HVCN1: variants seen among roughly 807,000 people sequenced by gnomAD.
HVCN1 encodes hydrogen voltage gated channel 1.
In HVCN1, 14 loss-of-function variants were observed where a neutral mutation model predicts 29.2. The observed-to-expected ratio is 0.48, with a 90% CI of 0.32 to 0.75. HVCN1 has a LOEUF of 0.75. Among genes scored for constraint, HVCN1 ranks in the 30% least tolerant of loss-of-function variants. HVCN1 has a pLI of 0.04. For synonymous variants in HVCN1, 131 were observed against 133.2 expected, an observed-to-expected ratio of 0.98 and a Z score of 0.11; for missense variants, 263 against 341.8, an observed-to-expected ratio of 0.77 and a Z score of 1.82.
At chr12:110,702,399 T>G (rs2069572647) in exon 2 of HVCN1, 1 of 152,154 alleles carries the variant, frequency 6.6e-6, no homozygotes, top group South Asian at 2.1e-4. Context: ...CCAGTCTACT[T>G]TCAAATGCCG....
intron 2 of HVCN1, 70 bp from the exon 3 acceptor site, chr12:110,683,334 A>G (rs1410239338): frequency 1.2e-5 from 18 of 1,499,496 alleles, no homozygotes; most frequent in Non-Finnish European, 1.5e-5. Context: ...GTGCTCTGTA[A>G]TCCTTTCTTA....
intron 2 of HVCN1, among the ~76,000 whole-genome samples, chr12:110,699,867 T>C (rs996634781): frequency 1.3e-5 from 2 of 152,212 alleles, no homozygotes; most frequent in Non-Finnish European, 2.9e-5. Flanking sequence ...CTATTTCTCA[T>C]GCCACAGGCT....
intron 3 of HVCN1, among the ~76,000 whole-genome samples, chr12:110,673,651 G>T (rs936344317): frequency 6.6e-6 from 1 of 152,236 alleles, no homozygotes; most frequent in South Asian, 2.1e-4. Context: ...GTGTCCAGCT[G>T]CTCCAGCTGT....
intron 3 of HVCN1, among the ~76,000 whole-genome samples, chr12:110,677,571 T>C (rs1444325524): frequency 1.3e-5 from 2 of 152,116 alleles, no homozygotes; most frequent in Admixed American, 6.5e-5. Flanking sequence ...GAAGGTGGAA[T>C]GAAACCCCTG....
chr12:110,679,761 G>A (rs1038500905), intron 3 of HVCN1, among the ~76,000 whole-genome samples: 3 of 152,090 alleles, frequency 2.0e-5, no homozygotes, highest in African/African-American at 7.2e-5. Flanking sequence ...GCTGAGGCAG[G>A]AGAATGGCGT....
chr12:110,688,074 G>C (rs1185436953), intron 2 of HVCN1: 1 of 152,416 alleles, frequency 6.6e-6, no homozygotes, highest in Non-Finnish European at 1.5e-5. Context: ...AGGTGCCCAG[G>C]ACAGAGAAGT....
At chr12:110,656,191 G>C (rs1182118881) in intron 4 of HVCN1, among the ~76,000 whole-genome samples, 1 of 152,246 alleles carries the variant, frequency 6.6e-6, no homozygotes, top group Non-Finnish European at 1.5e-5. Flanking sequence ...CTTCTGCCTG[G>C]AGATGCGAGG....
intron 1 of HVCN1, among the ~76,000 whole-genome samples, chr12:110,703,512 GT>G (rs2069581746): frequency 6.6e-6 from 1 of 152,174 alleles, no homozygotes; most frequent in Non-Finnish European, 1.5e-5. Flanking sequence ...TATTGGGCGA[GT>G]GCCGTGGAGA....
chr12:110,648,821 A>G lies in HVCN1; in HGVS notation c.*589T>C, dbSNP rs531608448. On this transcript the variant is annotated 3_prime_UTR_variant, in exon 8 of 8. Transcript: ENST00000242607. ...GTTTATTTTATACAGTAGTTGTTTT[A>G]TTTTATACAGTAGTTGTACAGTAAT... 3.0e-6 allele frequency: 1 copy of G among 337,020 alleles called. No individual in the cohort carries two copies. Among genetic ancestry groups the G allele is most frequent in the African/African-American group, 2.2e-5 (1 of 45,086 alleles). The allele number at this position is 337,020 out of a possible 1,614,324, so 20.9% of individuals were successfully genotyped here.
chr12:110,704,529 G>A (rs983488102), intron 1 of HVCN1, among the ~76,000 whole-genome samples: 3 of 151,904 alleles, frequency 2.0e-5, no homozygotes, highest in South Asian at 2.1e-4. Flanking sequence ...GTGGTAGTGC[G>A]TGCCTGTGGT....
At chr12:110,677,643 G>A (rs2068791641) in intron 3 of HVCN1, among the ~76,000 whole-genome samples, 1 of 152,180 alleles carries the variant, frequency 6.6e-6, no homozygotes, top group Non-Finnish European at 1.5e-5. Context: ...GCTGCCCCCA[G>A]CACTTCTCCC....
chr12:110,690,609 C>G (rs2069383784), upstream of HVCN1, among the ~76,000 whole-genome samples: 1 of 151,958 alleles, frequency 6.6e-6, no homozygotes, highest in African/African-American at 2.4e-5. Context: ...TCCCGAGTAG[C>G]TATGATTACA....
chr12:110,666,440 A>C (rs2068359585), intron 3 of HVCN1, among the ~76,000 whole-genome samples: 1 of 152,108 alleles, frequency 6.6e-6, no homozygotes, highest in Admixed American at 6.6e-5. Flanking sequence ...AAGAAAAGAA[A>C]AGAAAAGAAA....
chr12:110,664,041 C>T (rs2068266060), intron 3 of HVCN1, among the ~76,000 whole-genome samples: 1 of 152,102 alleles, frequency 6.6e-6, no homozygotes, highest in African/African-American at 2.4e-5. Context: ...CCTCAACCTC[C>T]CGGGTAGTTT....
rs2068837943 is a variant in HVCN1, at chr12:110,678,634, T to C, written c.21+4591A>G. On this transcript the variant is annotated intron_variant, in intron 3 of 7. Transcript: ENST00000242607. The stretch of plus-strand genomic sequence containing the variant: ...CCTGGCTAATTTTTTGTATTTTTAA[T>C]AGAGATGGGGTTTCTCCATGTTACT... 5.3e-5 allele frequency among the ~76,000 whole-genome samples: 8 copies of C among 152,042 alleles called. No homozygotes were observed. The South Asian group carries it at 1.7e-3, about 32-fold the overall frequency.
At chr12:110,680,602 C>T (rs1279688883) in intron 3 of HVCN1, among the ~76,000 whole-genome samples, 3 of 152,214 alleles carry the variant, frequency 2.0e-5, no homozygotes, top group African/African-American at 7.2e-5. Context: ...TCCCACCTGT[C>T]TTTATCTTTT....
chr12:110,666,916 C>A (rs1459655037), intron 3 of HVCN1, among the ~76,000 whole-genome samples: 2 of 152,148 alleles, frequency 1.3e-5, no homozygotes, highest in Non-Finnish European at 2.9e-5. Context: ...TTTTATCCCT[C>A]CTAGCATTTA....
In HVCN1 at chr12:110,661,258, G is replaced by C. The variant is rs549678316; in HGVS notation, c.212C>G (p.Ala71Gly). The C allele has an allele frequency of 8.7e-6, 14 of 1,614,036 alleles. No homozygotes were observed. The highest frequency in any genetic ancestry group is 1.6e-4 in the Middle Eastern group (1 of 6,084). Residue 71 changes from alanine (A) to glycine (G), a missense_variant, in exon 4 of 8, where the codon GCC becomes GGC. This residue lies in a region of HVCN1 where 157 missense variants were observed against 181.3 expected (regional missense o/e 0.87). Transcript: ENST00000242607. The surrounding 1 kb of genome is among the most constrained non-coding windows in gnomAD (Gnocchi z 6.2). ...GCCAGGGGCAGGGGCAACGTCAGGG[G>C]CTGCAGCTCTGCCTTCCTCGCCTGA... ...PVSGEEGRAA[A>G]PDVAPAPGPA...
At chr12:110,674,878 T>A (rs964219215) in intron 3 of HVCN1, among the ~76,000 whole-genome samples, 4 of 152,168 alleles carry the variant, frequency 2.6e-5, no homozygotes, top group Non-Finnish European at 5.9e-5. Context: ...TGGACTGAGA[T>A]CCAGCCTGCA....
Sources: allele counts gnomAD v4.1 joint callset (sites outside exome capture counted in the v4.1 genomes callset), GRCh38; gene constraint gnomAD v4.1.1; regional missense constraint gnomAD v4.1.1; non-coding constraint Gnocchi (gnomAD v3.1); transcripts MANE v1.5; gene names NCBI Gene and HGNC (gene_info 2026-07-23, HGNC 2026-07-21).